Variants in CPPED1 observed in about 807,000 individuals in gnomAD.
The protein encoded by CPPED1 is serine/threonine-protein phosphatase CPPED1.
In CPPED1, 28 loss-of-function variants were observed where a neutral mutation model predicts 28.0. That is an observed-to-expected ratio of 1.00 (90% confidence interval 0.74 to 1.37). CPPED1 has a LOEUF of 1.37. CPPED1 is among the 40% of genes most tolerant of loss of function. The pLI is 0.00. For synonymous variants in CPPED1, 198 were observed against 180.2 expected (o/e 1.10, Z -0.79); for missense variants, 504 against 416.5 (o/e 1.21, Z -1.83).
At chr16:12,677,634 CTG>C (rs571192433) in intron 3 of CPPED1, among the ~76,000 whole-genome samples, 1 of 152,278 alleles carries the variant, frequency 6.6e-6, no homozygotes, top group African/African-American at 2.4e-5. Flanking sequence ...GAGCGAGACT[CTG>C]TCTCAAAAAA....
chr16:12,699,200 G>A (rs1406777332), intron 3 of CPPED1, among the ~76,000 whole-genome samples: 1 of 152,198 alleles, frequency 6.6e-6, no homozygotes, highest in Non-Finnish European at 1.5e-5. Context: ...TCCCTTGGAT[G>A]TGATGAAATT....
Position 12,670,937 on chromosome 16 carries a change from G to A in CPPED1, c.716-5822C>T, listed in dbSNP as rs1414794288. ...GCGATCTCGGCTCACTGCAAACTCC[G>A]CCTCCCGGGTTCAAGTGATTCTCCT... On this transcript the variant is annotated intron_variant, in intron 3 of 3. Transcript: ENST00000381774. This position sits in a 1 kb window ranked among gnomAD's most constrained non-coding sequence, Gnocchi z 4.2. 2.0e-5 allele frequency among the ~76,000 whole-genome samples: 3 copies of A among 151,952 alleles called. No individual in the cohort carries two copies. Among genetic ancestry groups the A allele is most frequent in the African/African-American group, 7.3e-5 (3 of 41,350 alleles).
At chr16:12,698,138 T>C (rs1292302427) in intron 3 of CPPED1, among the ~76,000 whole-genome samples, 2 of 152,036 alleles carry the variant, frequency 1.3e-5, no homozygotes, top group African/African-American at 2.4e-5. Context: ...AGTCAGTTCA[T>C]GAAAACCAAC....
intron 2 of CPPED1, among the ~76,000 whole-genome samples, chr16:12,752,589 T>C (rs1475176236): frequency 6.7e-6 from 1 of 148,592 alleles, no homozygotes; most frequent in Non-Finnish European, 1.5e-5. Flanking sequence ...CAGTATGTAA[T>C]GGTATGAAAA....
chr16:12,731,978 A>C (rs113079016), intron 2 of CPPED1, among the ~76,000 whole-genome samples: 189 of 152,074 alleles, frequency 1.2e-3, no homozygotes, highest in African/African-American at 4.3e-3. Context: ...GCCTGGCCAA[A>C]AGGGCAAAAC....
Position 12,803,826 on chromosome 16 carries a change from G to A in CPPED1, c.-50C>T, listed in dbSNP as rs769427736. On this transcript the variant is annotated 5_prime_UTR_variant, in exon 1 of 4. Coordinates refer to ENST00000381774, the MANE Select transcript of CPPED1 (RefSeq NM_018340.3). ...TTAGAACACTGCGTGGGTGGAAGCC[G>A]CGCGACTTCACACAGAACAACCGCT... 43 of 1,521,156 alleles carry A rather than the reference G, an allele frequency of 2.8e-5. No homozygotes were observed. The East Asian group carries it at 6.2e-4, about 22-fold the overall frequency. 94.2% of individuals were successfully genotyped at this position (1,521,156 alleles called of 1,614,324 possible).
Position 12,664,539 on chromosome 16 carries a change from G to A in CPPED1, c.*347C>T. Reference sequence around the variant, plus strand: ...ACTTGGCTGTCAGATTGGAATTGAGGTCGATAGGCAGACTTTGACCATATG... The same window carrying A: ...ACTTGGCTGTCAGATTGGAATTGAGATCGATAGGCAGACTTTGACCATATG... On this transcript the variant is annotated 3_prime_UTR_variant, in exon 4 of 4. Transcript: ENST00000381774. This position sits in a 1 kb window ranked among gnomAD's most constrained non-coding sequence, Gnocchi z 4.2. 1.1e-5 allele frequency: 12 copies of A among 1,084,526 alleles called. No individual in the cohort carries two copies. In the South Asian group the frequency reaches 3.1e-4, roughly 28 times the overall value. 67.2% of individuals were successfully genotyped at this position (1,084,526 alleles called of 1,614,324 possible). A position where few individuals can be genotyped will look rare whatever the true frequency, so the allele number is the denominator to read the frequency against.
At chr16:12,673,055 C>A (rs533327252) in intron 3 of CPPED1, among the ~76,000 whole-genome samples, 2 of 152,172 alleles carry the variant, frequency 1.3e-5, no homozygotes, top group East Asian at 3.9e-4. Flanking sequence ...GAAAAAGAAA[C>A]ATTAGGGCAA....
At chr16:12,686,830 T>C (rs2079935954) in intron 3 of CPPED1, among the ~76,000 whole-genome samples, 1 of 152,238 alleles carries the variant, frequency 6.6e-6, no homozygotes, top group African/African-American at 2.4e-5. Flanking sequence ...TGTGACCTTT[T>C]ACTTGTGGCT....
At chr16:12,786,274 G>A (rs766105377) in intron 1 of CPPED1, among the ~76,000 whole-genome samples, 26 of 152,144 alleles carry the variant, frequency 1.7e-4, no homozygotes, top group Admixed American at 3.9e-4. Context: ...ACTGAACCCC[G>A]GGGTGACCTA....
chr16:12,782,984 G>T (rs902975586), intron 1 of CPPED1, among the ~76,000 whole-genome samples: 1 of 152,118 alleles, frequency 6.6e-6, no homozygotes, highest in Admixed American at 6.5e-5. Context: ...ATCAGTTCAC[G>T]TCCATGTGTT....
At chr16:12,743,821 C>A (rs113765478) in intron 2 of CPPED1, among the ~76,000 whole-genome samples, 160 of 151,978 alleles carry the variant, frequency 1.1e-3, no homozygotes, top group African/African-American at 3.6e-3. Flanking sequence ...CTGGGCAGCA[C>A]GATGAAACCC....
chr16:12,689,332 T>A (rs2079950184), intron 3 of CPPED1, among the ~76,000 whole-genome samples: 1 of 146,310 alleles, frequency 6.8e-6, no homozygotes, highest in Admixed American at 7.1e-5. Flanking sequence ...GCTCAAGAGA[T>A]CCTCCCACCT....
intron 2 of CPPED1, among the ~76,000 whole-genome samples, chr16:12,767,135 C>T (rs1410555920): frequency 6.6e-6 from 1 of 152,066 alleles, no homozygotes; most frequent in African/African-American, 2.4e-5. Flanking sequence ...GAAGTCACAC[C>T]ATCTGCCATA....
chr16:12,686,110 CT>C (rs1171880475), intron 3 of CPPED1, among the ~76,000 whole-genome samples: 2 of 152,186 alleles, frequency 1.3e-5, no homozygotes, highest in African/African-American at 4.8e-5. Flanking sequence ...GTTTCCTGTT[CT>C]GTACAGCCCA....
chr16:12,781,078 A>G, intron 2 of CPPED1, 107 bp downstream of exon 2: 1 of 897,562 alleles, frequency 1.1e-6, no homozygotes, highest in Non-Finnish European at 1.8e-6. Flanking sequence ...AGAACGGTCC[A>G]TGACTGAGCA....
At chr16:12,692,091 T>A (rs562557809) in intron 3 of CPPED1, among the ~76,000 whole-genome samples, 1 of 152,108 alleles carries the variant, frequency 6.6e-6, no homozygotes, top group African/African-American at 2.4e-5. Context: ...TGACCTCAAG[T>A]GATCTGCCTG....
At chr16:12,683,958 G>C (rs1017893823) in intron 3 of CPPED1, among the ~76,000 whole-genome samples, 3 of 152,138 alleles carry the variant, frequency 2.0e-5, no homozygotes, top group Non-Finnish European at 2.9e-5. Flanking sequence ...CCATCCTCAA[G>C]ATCGCAAGAT....
At chr16:12,766,256 T>TATATATATATATATATAG in intron 2 of CPPED1, among the ~76,000 whole-genome samples, 15 of 134,288 alleles carry the variant, frequency 1.1e-4, no homozygotes, top group African/African-American at 4.5e-4. Flanking sequence ...TATATATATA[T>TATATATATATATATATAG]AGAGAGAGAG....
Sources: gnomAD v4.1 joint callset for allele counts (sites outside exome capture counted in the v4.1 genomes callset) on GRCh38, gnomAD v4.1.1 for gene constraint, Gnocchi (gnomAD v3.1) non-coding constraint, MANE v1.5 for transcripts, NCBI Gene and HGNC (gene_info 2026-07-23, HGNC 2026-07-21) for gene names.